PLCL1: variants seen among roughly 807,000 people sequenced by gnomAD.
The protein encoded by PLCL1 is phospholipase C like 1 (inactive), also known as inactive phospholipase C-like protein 1.
Under a neutral mutation model 84.4 loss-of-function variants are expected in PLCL1, and 41 were observed. That is an observed-to-expected ratio of 0.49 (90% CI 0.38 to 0.63). The LOEUF (loss-of-function observed/expected upper bound fraction) is 0.63. Ranked by LOEUF, PLCL1 falls within the 30% of genes least tolerant of loss-of-function variation. PLCL1 has a pLI of 0.00. For missense variants in PLCL1, 1,206 were observed against 1,367.8 expected (o/e 0.88, Z 1.87); for synonymous variants, 490 against 488.3 (o/e 1.00, Z -0.05).
chr2:198,103,201 T>C (rs573252737), intron 4 of PLCL1, among the ~76,000 whole-genome samples: 11 of 152,064 alleles, frequency 7.2e-5, no homozygotes, highest in African/African-American at 2.7e-4. Context: ...GACCATTTCA[T>C]GCATAAACCA....
intron 1 of PLCL1, among the ~76,000 whole-genome samples, chr2:197,991,888 C>T (rs1427788279): frequency 6.6e-6 from 1 of 152,128 alleles, no homozygotes; most frequent in Non-Finnish European, 1.5e-5. Context: ...TCTGTGGGGC[C>T]TGGAAATCTC....
chr2:198,061,946 C>G (rs1692214579), intron 1 of PLCL1, among the ~76,000 whole-genome samples: 2 of 152,172 alleles, frequency 1.3e-5, no homozygotes, highest in Non-Finnish European at 2.9e-5. Flanking sequence ...TTACTTTTTC[C>G]TCCATACACA....
chr2:197,853,553 A>G (rs1201872781), intron 1 of PLCL1, among the ~76,000 whole-genome samples: 1 of 152,190 alleles, frequency 6.6e-6, no homozygotes, highest in African/African-American at 2.4e-5. Flanking sequence ...GTTAGAGATA[A>G]TGTAGTTAAA....
chr2:197,931,682 ACCCAC>A (rs1688936799), intron 1 of PLCL1, among the ~76,000 whole-genome samples: 2 of 28,142 alleles, frequency 7.1e-5, no homozygotes, highest in African/African-American at 2.4e-4. Context: ...CCAACCACCC[ACCCAC>A]CCACCCACCC....
chr2:197,887,185 T>G (rs1024567346), intron 1 of PLCL1, among the ~76,000 whole-genome samples: 1 of 152,210 alleles, frequency 6.6e-6, no homozygotes, highest in Non-Finnish European at 1.5e-5. Flanking sequence ...ATGTATATTT[T>G]TCATAGGCAA....
At chr2:198,043,728 C>T (rs1422838699) in intron 1 of PLCL1, among the ~76,000 whole-genome samples, 1 of 152,014 alleles carries the variant, frequency 6.6e-6, no homozygotes, top group Non-Finnish European at 1.5e-5. Flanking sequence ...GTCCAGAGAA[C>T]AGGTTTGGTT....
At chr2:197,915,920 C>T (rs1574946870) in intron 1 of PLCL1, among the ~76,000 whole-genome samples, 1 of 152,214 alleles carries the variant, frequency 6.6e-6, no homozygotes, top group African/African-American at 2.4e-5. Flanking sequence ...TTTCAGAGGA[C>T]AATAGGAGAA....
intron 1 of PLCL1, among the ~76,000 whole-genome samples, chr2:197,877,549 T>C (rs964581428): frequency 2.0e-5 from 3 of 152,138 alleles, no homozygotes; most frequent in African/African-American, 7.2e-5. Flanking sequence ...AAAGCACTTA[T>C]GGTCCAGAAA....
chr2:198,052,928 T>C (rs1311832456), intron 1 of PLCL1, among the ~76,000 whole-genome samples: 1 of 152,218 alleles, frequency 6.6e-6, no homozygotes, highest in Admixed American at 6.5e-5. Flanking sequence ...CTGCTTATTA[T>C]ATAAAAGTAA....
intron 1 of PLCL1, among the ~76,000 whole-genome samples, chr2:198,051,476 T>C (rs529060102): frequency 6.6e-6 from 1 of 152,218 alleles, no homozygotes; most frequent in Admixed American, 6.5e-5. Context: ...TATAATTTTC[T>C]ACTTGAAAAT....
chr2:198,082,586 G>C (rs767823068), intron 1 of PLCL1, among the ~76,000 whole-genome samples: 1 of 152,142 alleles, frequency 6.6e-6, no homozygotes, highest in Non-Finnish European at 1.5e-5. Flanking sequence ...GCAATCACGT[G>C]AATTGGGATG....
chr2:198,056,134 A>C (rs1208950406), intron 1 of PLCL1, among the ~76,000 whole-genome samples: 1 of 152,240 alleles, frequency 6.6e-6, no homozygotes, highest in Non-Finnish European at 1.5e-5. Flanking sequence ...GGAGAAAATT[A>C]TTATAGACAA....
intron 5 of PLCL1, among the ~76,000 whole-genome samples, chr2:198,122,127 T>C (rs1693882809): frequency 6.6e-6 from 1 of 152,208 alleles, no homozygotes; most frequent in African/African-American, 2.4e-5. Flanking sequence ...TTGTTGTTAC[T>C]CTAGAAGAAG....
At chr2:198,006,304 G>A (rs965908781) in intron 1 of PLCL1, among the ~76,000 whole-genome samples, 3 of 152,158 alleles carry the variant, frequency 2.0e-5, no homozygotes, top group Non-Finnish European at 2.9e-5. Context: ...GTATGTGTGT[G>A]GGCATGTGTG....
At chr2:197,815,100 A>C (rs1690662147) in intron 1 of PLCL1, among the ~76,000 whole-genome samples, 1 of 152,184 alleles carries the variant, frequency 6.6e-6, no homozygotes, top group African/African-American at 2.4e-5. Flanking sequence ...AAATTAGAAG[A>C]AGGTGTCATC....
chr2:198,147,422 G>C lies in PLCL1; in HGVS notation c.*460G>C, dbSNP rs1694552880. The C allele has an allele frequency of 6.6e-6, 1 of 152,316 alleles. No individual in the cohort carries two copies. Among genetic ancestry groups the C allele is most frequent in the Non-Finnish European group, 1.5e-5 (1 of 68,130 alleles). The allele number at this position is 152,316 out of a possible 1,614,324, so 9.4% of individuals were successfully genotyped here. A position where few individuals can be genotyped will look rare whatever the true frequency, so the allele number is the denominator to read the frequency against. On this transcript the variant is annotated 3_prime_UTR_variant, in exon 6 of 6. Coordinates refer to ENST00000428675, the MANE Select transcript of PLCL1 (RefSeq NM_006226.4). ...TTCTCTGCCTTTGACATTTAATTTA[G>C]TGATCTTAGCATAGCTTATTATTGA...
chr2:197,851,733 G>A (rs1687243115), intron 1 of PLCL1, among the ~76,000 whole-genome samples: 1 of 152,184 alleles, frequency 6.6e-6, no homozygotes, highest in Non-Finnish European at 1.5e-5. Context: ...ATGGAAATAG[G>A]CATGTTAGAG....
intron 1 of PLCL1, among the ~76,000 whole-genome samples, chr2:197,915,928 G>T (rs1688591256): frequency 6.6e-6 from 1 of 152,156 alleles, no homozygotes; most frequent in Non-Finnish European, 1.5e-5. Flanking sequence ...GACAATAGGA[G>T]AAATAGCTAA....
chr2:198,025,231 A>G (rs1048396565), intron 1 of PLCL1, among the ~76,000 whole-genome samples: 1 of 152,114 alleles, frequency 6.6e-6, no homozygotes, highest in Admixed American at 6.6e-5. Flanking sequence ...TTTTTAGTGT[A>G]TGTTTTAGTT....
Sources: gnomAD v4.1 joint callset for allele counts (sites outside exome capture counted in the v4.1 genomes callset) on GRCh38, gnomAD v4.1.1 for gene constraint, MANE v1.5 for transcripts, NCBI Gene and HGNC (gene_info 2026-07-23, HGNC 2026-07-21) for gene names.